HS6ST3: variants seen among roughly 807,000 people sequenced by gnomAD.
HS6ST3 encodes the protein heparan sulfate 6-O-sulfotransferase 3, also known as heparan-sulfate 6-O-sulfotransferase 3.
HS6ST3 carries 12 observed loss-of-function variants against 36.7 expected under a neutral mutation model. The observed-to-expected ratio is 0.33, with a 90% CI of 0.21 to 0.53. The LOEUF is 0.53. Ranked by LOEUF, HS6ST3 falls within the 20% of genes least tolerant of loss-of-function variation. HS6ST3 has a pLI of 0.95. For missense variants in HS6ST3, 584 were observed against 640.9 expected (o/e 0.91, Z 0.96); for synonymous variants, 240 against 257.5 (o/e 0.93, Z 0.65).
chr13:96,417,731 T>A (rs1276883367), intron 1 of HS6ST3, among the ~76,000 whole-genome samples: 1 of 26,718 alleles, frequency 3.7e-5, no homozygotes, highest in African/African-American at 1.3e-4. Context: ...TATAGCTTAT[T>A]TCACACACAC....
chr13:96,641,404 G>A (rs2139006938), intron 1 of HS6ST3, among the ~76,000 whole-genome samples: 1 of 151,850 alleles, frequency 6.6e-6, no homozygotes, highest in Admixed American at 6.6e-5. Context: ...ATTTATCAGA[G>A]CCAGGAGCCT....
chr13:96,333,776 C>A (rs2055085151), intron 1 of HS6ST3, among the ~76,000 whole-genome samples: 1 of 152,088 alleles, frequency 6.6e-6, no homozygotes, highest in Admixed American at 6.6e-5. Context: ...AGATGAAAGG[C>A]AAAATACTTG....
intron 1 of HS6ST3, among the ~76,000 whole-genome samples, chr13:96,479,308 T>C (rs2055878933): frequency 6.6e-6 from 1 of 152,120 alleles, no homozygotes; most frequent in Non-Finnish European, 1.5e-5. Context: ...TCCAGAGAAA[T>C]CAGGTATTTC....
intron 1 of HS6ST3, among the ~76,000 whole-genome samples, chr13:96,345,738 T>A (rs574212019): frequency 6.6e-6 from 1 of 152,240 alleles, no homozygotes; most frequent in East Asian, 1.9e-4. Context: ...AGGCATTAGA[T>A]CAGAGGTGTC....
chr13:96,284,910 G>GCTTTCTTTCTTTCTTTCTTT (rs71740033), intron 1 of HS6ST3, among the ~76,000 whole-genome samples: 19 of 134,674 alleles, frequency 1.4e-4, no homozygotes, highest in African/African-American at 2.5e-4. Flanking sequence ...ATGCATATTT[G>GCTTTCTTTCTTTCTTTCTTT]CTTTCTTTCT....
intron 1 of HS6ST3, among the ~76,000 whole-genome samples, chr13:96,510,397 T>A (rs1462835848): frequency 6.6e-6 from 1 of 152,154 alleles, no homozygotes; most frequent in East Asian, 1.9e-4. Context: ...GGCTAGGACT[T>A]CCAGAACTGT....
At chr13:96,819,040 G>A (rs1364506997) in intron 1 of HS6ST3, among the ~76,000 whole-genome samples, 3 of 152,178 alleles carry the variant, frequency 2.0e-5, no homozygotes, top group Non-Finnish European at 4.4e-5. Flanking sequence ...AATCCCCTTT[G>A]GGGGAGACTG....
chr13:96,820,720 A>G (rs913658294), intron 1 of HS6ST3, among the ~76,000 whole-genome samples: 1 of 152,236 alleles, frequency 6.6e-6, no homozygotes, highest in Non-Finnish European at 1.5e-5. Context: ...TTTTCACTCC[A>G]TATAAAGTGA....
At chr13:96,443,433 G>A (rs1362473817) in intron 1 of HS6ST3, among the ~76,000 whole-genome samples, 11 of 150,800 alleles carry the variant, frequency 7.3e-5, no homozygotes, top group Non-Finnish European at 1.2e-4. Flanking sequence ...GGGAGGCTCA[G>A]GCAGGAGAAT....
intron 1 of HS6ST3, among the ~76,000 whole-genome samples, chr13:96,170,391 C>G (rs1396896345): frequency 6.6e-6 from 1 of 152,226 alleles, no homozygotes; most frequent in Non-Finnish European, 1.5e-5. Context: ...GAAGAGAAAA[C>G]TTTAAATAGA....
At chr13:96,315,677 GC>G (rs1371075988) in intron 1 of HS6ST3, among the ~76,000 whole-genome samples, 2 of 113,134 alleles carry the variant, frequency 1.8e-5, no homozygotes, top group Admixed American at 7.7e-5. Flanking sequence ...AAATAAAAAT[GC>G]CATTTTTTTT....
At chr13:96,114,832 A>G (rs772238147) in intron 1 of HS6ST3, among the ~76,000 whole-genome samples, 7 of 152,230 alleles carry the variant, frequency 4.6e-5, no homozygotes, top group Non-Finnish European at 8.8e-5. Flanking sequence ...CTTCTCATAA[A>G]TAAGTCTTTG....
At chr13:96,371,341 TA>T (rs2055289135) in intron 1 of HS6ST3, among the ~76,000 whole-genome samples, 1 of 151,976 alleles carries the variant, frequency 6.6e-6, no homozygotes, top group East Asian at 1.9e-4. Flanking sequence ...AATTGACAAA[TA>T]AAAATTGTAT....
chr13:96,430,875 T>C (rs969097650), intron 1 of HS6ST3, among the ~76,000 whole-genome samples: 5 of 152,174 alleles, frequency 3.3e-5, no homozygotes, highest in Non-Finnish European at 5.9e-5. Flanking sequence ...TCTCCACTTA[T>C]GTCTGCCTCT....
intron 1 of HS6ST3, among the ~76,000 whole-genome samples, chr13:96,690,310 A>G (rs1874919547): frequency 6.6e-6 from 1 of 152,144 alleles, no homozygotes; most frequent in African/African-American, 2.4e-5. Context: ...TATAATTTAT[A>G]TGCAGACATA....
At chr13:96,532,899 G>C (rs1172244636) in intron 1 of HS6ST3, among the ~76,000 whole-genome samples, 1 of 152,112 alleles carries the variant, frequency 6.6e-6, no homozygotes, top group Non-Finnish European at 1.5e-5. Context: ...GGTGGGAGGG[G>C]AACAAGCATA....
intron 1 of HS6ST3, among the ~76,000 whole-genome samples, chr13:96,765,298 T>C (rs1877077966): frequency 6.6e-6 from 1 of 152,046 alleles, no homozygotes; most frequent in Admixed American, 6.6e-5. Context: ...GGTCTCGATC[T>C]CCTGACCTCC....
intron 1 of HS6ST3, among the ~76,000 whole-genome samples, chr13:96,410,740 A>G (rs1594774262): frequency 6.6e-6 from 1 of 152,352 alleles, no homozygotes; most frequent in East Asian, 1.9e-4. Flanking sequence ...TTTTAAATAA[A>G]CAATACTTAT....
At chr13:96,640,131 T>C (rs1410408016) in intron 1 of HS6ST3, among the ~76,000 whole-genome samples, 1 of 152,000 alleles carries the variant, frequency 6.6e-6, no homozygotes, top group African/African-American at 2.4e-5. Flanking sequence ...TTAAGTTCTT[T>C]GAGAAATGTC....
Sources: allele counts gnomAD v4.1 joint callset (sites outside exome capture counted in the v4.1 genomes callset), GRCh38; gene constraint gnomAD v4.1.1; transcripts MANE v1.5; gene names NCBI Gene and HGNC (gene_info 2026-07-23, HGNC 2026-07-21).